The following DPYD variants were observed in gnomAD, a reference collection of about 807,000 sequenced individuals.
DPYD encodes the protein dihydropyrimidine dehydrogenase, also known as dihydropyrimidine dehydrogenase [NADP(+)].
DPYD carries 109 observed loss-of-function variants against 116.2 expected under a neutral mutation model. That is an observed-to-expected ratio of 0.94 (90% CI 0.80 to 1.10). The LOEUF (loss-of-function observed/expected upper bound fraction) is 1.10. DPYD is among the 50% of genes least tolerant of loss of function. DPYD has a pLI of 0.00. For missense variants in DPYD, 1,302 were observed against 1,254.5 expected (o/e 1.04, Z -0.57); for synonymous variants, 440 against 432.0 (o/e 1.02, Z -0.23).
At chr1:97,832,046 TGTG>T (rs1232562501) in intron 2 of DPYD, among the ~76,000 whole-genome samples, 1 of 5,434 alleles carries the variant, frequency 1.8e-4, no homozygotes, top group Non-Finnish European at 3.8e-4. Context: ...TATAATGTAT[TGTG>T]TGTGTGTGTG....
chr1:97,751,429 CGTGTGTGTGTGT>C (rs564067118), intron 3 of DPYD, among the ~76,000 whole-genome samples: 7 of 53,062 alleles, frequency 1.3e-4, no homozygotes, highest in African/African-American at 5.4e-4. Flanking sequence ...TATATGTATA[CGTGTGTGTGTGT>C]GTGTGTGTGT....
chr1:97,699,615 T>C (rs571622473), intron 5 of DPYD, 68 bp from the exon 6 acceptor site: 24 of 1,469,322 alleles, frequency 1.6e-5, no homozygotes, highest in Non-Finnish European at 1.9e-5. Flanking sequence ...ATATTTTTAA[T>C]GTTTCAAACG....
intron 5 of DPYD, among the ~76,000 whole-genome samples, chr1:97,702,587 C>A (rs1206942983): frequency 2.0e-5 from 3 of 151,706 alleles, no homozygotes; most frequent in Non-Finnish European, 2.9e-5. Context: ...ACAATGGAAG[C>A]AGATTTAAAT....
chr1:97,774,556 G>A (rs887569899), intron 3 of DPYD: 1 of 152,296 alleles, frequency 6.6e-6, no homozygotes, highest in Non-Finnish European at 1.5e-5. Context: ...AGGCAAGTAT[G>A]GCTCTGGGTA....
At chr1:97,407,631 G>A (rs923215864) in intron 14 of DPYD, among the ~76,000 whole-genome samples, 3 of 152,048 alleles carry the variant, frequency 2.0e-5, no homozygotes, top group Non-Finnish European at 4.4e-5. Flanking sequence ...TACAGGGCTG[G>A]GGCAAAGTTC....
chr1:97,460,896 G>C (rs1226227443), intron 13 of DPYD, among the ~76,000 whole-genome samples: 2 of 151,976 alleles, frequency 1.3e-5, no homozygotes, highest in African/African-American at 2.4e-5. Context: ...AATCAGCCAG[G>C]CATGGTGGCA....
chr1:97,290,374 C>A (rs1050115642), intron 18 of DPYD, among the ~76,000 whole-genome samples: 3 of 152,116 alleles, frequency 2.0e-5, no homozygotes, highest in African/African-American at 4.8e-5. Context: ...GCCCACATCG[C>A]CAAGTCAATC....
intron 1 of DPYD, among the ~76,000 whole-genome samples, chr1:97,904,061 C>A (rs1399998561): frequency 1.8e-4 from 28 of 151,794 alleles, no homozygotes; most frequent in Non-Finnish European, 2.7e-4. Context: ...GTATTTACCC[C>A]AGGGTAATCA....
At chr1:97,525,942 A>G (rs938423747) in intron 12 of DPYD, among the ~76,000 whole-genome samples, 4 of 147,312 alleles carry the variant, frequency 2.7e-5, no homozygotes, top group Non-Finnish European at 4.5e-5. Flanking sequence ...AGAGCTATCT[A>G]GTGGGAAGAG....
chr1:97,691,493 C>T (rs1399319657), intron 7 of DPYD: 40 of 471,128 alleles, frequency 8.5e-5, no homozygotes, highest in Middle Eastern at 6.0e-4. Context: ...TAATCACATG[C>T]AGGCATGCCA....
chr1:97,335,836 T>C lies in DPYD; in HGVS notation c.2059-29539A>G, dbSNP rs546719082. Among the ~76,000 whole-genome samples, 12 of 152,212 alleles carry C rather than the reference T, an allele frequency of 7.9e-5. No individual in the cohort carries two copies. The South Asian group carries it at 1.5e-3, about 18-fold the overall frequency. ...TTGAAAGCAAAGACAACAGAGTCAA[T>C]TTACTCTTTCATATTTTTTGTCCTT... On this transcript the variant is annotated intron_variant, in intron 16 of 22. Transcript: ENST00000370192.
At chr1:97,289,484 C>A (rs1389540045) in intron 18 of DPYD, among the ~76,000 whole-genome samples, 2 of 151,774 alleles carry the variant, frequency 1.3e-5, no homozygotes, top group Non-Finnish European at 2.9e-5. Flanking sequence ...AAAAGCTTAT[C>A]CACCATGATC....
intron 19 of DPYD, among the ~76,000 whole-genome samples, chr1:97,227,987 AT>A (rs565575485): frequency 6.3e-4 from 96 of 152,054 alleles, no homozygotes; most frequent in African/African-American, 2.3e-3. Flanking sequence ...TACAACCATC[AT>A]TTTTTAATAA....
intron 16 of DPYD, among the ~76,000 whole-genome samples, chr1:97,327,878 T>G (rs1327413201): frequency 6.6e-6 from 1 of 152,138 alleles, no homozygotes; most frequent in Non-Finnish European, 1.5e-5. Context: ...TGATGCTACG[T>G]GCTGTGTTCA....
chr1:97,251,719 G>A (rs1417952370), intron 18 of DPYD, among the ~76,000 whole-genome samples: 2 of 152,108 alleles, frequency 1.3e-5, no homozygotes, highest in Admixed American at 6.5e-5. Context: ...GACACATGGA[G>A]TACAAAATGA....
At chr1:97,258,748 C>A (rs1663680064) in intron 18 of DPYD, among the ~76,000 whole-genome samples, 4 of 152,008 alleles carry the variant, frequency 2.6e-5, no homozygotes, top group Non-Finnish European at 5.9e-5. Flanking sequence ...AAGGTAGTTA[C>A]CAGATAAGAT....
chr1:97,117,331 G>C (rs953623585), intron 20 of DPYD, among the ~76,000 whole-genome samples: 8 of 152,182 alleles, frequency 5.3e-5, no homozygotes, highest in Non-Finnish European at 1.2e-4. Flanking sequence ...TGAACGTATG[G>C]ATGAAGAAAG....
At chr1:97,789,412 T>C (rs1055159109) in intron 3 of DPYD, among the ~76,000 whole-genome samples, 4 of 152,200 alleles carry the variant, frequency 2.6e-5, no homozygotes, top group Admixed American at 6.5e-5. Flanking sequence ...TTAACAGCAT[T>C]TCTTTCTTTT....
intron 21 of DPYD, among the ~76,000 whole-genome samples, chr1:97,091,929 C>T (rs1264661598): frequency 6.6e-6 from 1 of 152,144 alleles, no homozygotes; most frequent in African/African-American, 2.4e-5. Context: ...AAAAGCCTTA[C>T]TGGTTTCCTG....
Sources: allele counts gnomAD v4.1 joint callset (sites outside exome capture counted in the v4.1 genomes callset), GRCh38; gene constraint gnomAD v4.1.1; transcripts MANE v1.5; gene names NCBI Gene and HGNC (gene_info 2026-07-23, HGNC 2026-07-21).